The following GRIK2 variants were observed in gnomAD, a reference collection of about 807,000 sequenced individuals.
GRIK2 encodes the protein glutamate receptor ionotropic, kainate 2.
In GRIK2, 32 loss-of-function variants were observed where a neutral mutation model predicts 100.3. That is an observed-to-expected ratio of 0.32 (90% CI 0.24 to 0.43). GRIK2 has a LOEUF of 0.43. Among genes scored for constraint, GRIK2 ranks in the 20% least tolerant of loss-of-function variants. The probability of loss-of-function intolerance (pLI) is 1.00; values close to 1 mark genes in which losing one functional copy is unlikely to be tolerated. For missense variants in GRIK2, 843 were observed against 1,114.9 expected, an observed-to-expected ratio of 0.76 and a Z score of 3.47; for synonymous variants, 417 against 389.4, an observed-to-expected ratio of 1.07 and a Z score of -0.83.
intron 2 of GRIK2, among the ~76,000 whole-genome samples, chr6:101,538,994 A>G (rs1348880504): frequency 6.6e-6 from 1 of 151,654 alleles, no homozygotes; most frequent in Admixed American, 6.6e-5. Context: ...AGTACCACAC[A>G]AAGGAAAAAT....
At chr6:101,859,666 A>AG (rs1361082313) in intron 11 of GRIK2, among the ~76,000 whole-genome samples, 173 bp downstream of exon 11, 2 of 152,194 alleles carry the variant, frequency 1.3e-5, no homozygotes, top group African/African-American at 4.8e-5. Context: ...AGAATCTAAG[A>AG]GGGATATATA....
rs1052870809 is a variant in GRIK2 at position 102,006,504 on chromosome 6, A to G, written c.2086-28837A>G. ...TCATCTCAACCTCTTGAGTAGCTGG[A>G]CTACAGGCATACACCTCCACTCCTG... On this transcript the variant is annotated intron_variant, in intron 14 of 16. Coordinates refer to ENST00000369134, the MANE Select transcript of GRIK2 (RefSeq NM_021956.5). 3.3e-5 allele frequency among the ~76,000 whole-genome samples: 5 copies of G among 151,142 alleles called. No individual in the cohort carries two copies. In the East Asian group the frequency reaches 5.9e-4, roughly 18 times the overall value.
At chr6:101,954,451 T>C (rs975907347) in intron 14 of GRIK2, among the ~76,000 whole-genome samples, 2 of 152,092 alleles carry the variant, frequency 1.3e-5, no homozygotes, top group African/African-American at 4.8e-5. Flanking sequence ...TCCCTCTGTA[T>C]TGTATTCTCT....
intron 1 of GRIK2, among the ~76,000 whole-genome samples, chr6:101,397,179 A>C (rs1221000893): frequency 1.3e-5 from 2 of 152,176 alleles, no homozygotes; most frequent in African/African-American, 4.8e-5. Context: ...TTGATTAGTC[A>C]CAATAAAACA....
chr6:101,762,454 C>T (rs953895867), intron 7 of GRIK2, among the ~76,000 whole-genome samples: 1 of 151,944 alleles, frequency 6.6e-6, no homozygotes, highest in Admixed American at 6.6e-5. Context: ...TTCCTGACAC[C>T]GGTATCTCCT....
At chr6:101,975,162 C>T (rs1562080831) in intron 14 of GRIK2, among the ~76,000 whole-genome samples, 1 of 151,724 alleles carries the variant, frequency 6.6e-6, no homozygotes, top group Non-Finnish European at 1.5e-5. Flanking sequence ...ATCGTAGTTT[C>T]AGTTTGGGGT....
At chr6:101,730,839 A>C (rs1322516838) in intron 7 of GRIK2, among the ~76,000 whole-genome samples, 2 of 151,942 alleles carry the variant, frequency 1.3e-5, no homozygotes, top group African/African-American at 4.8e-5. Flanking sequence ...AGGATCAACC[A>C]TGATTTGAGA....
intron 1 of GRIK2, among the ~76,000 whole-genome samples, chr6:101,394,470 C>G (rs994896135): frequency 1.3e-5 from 2 of 152,102 alleles, no homozygotes; most frequent in Admixed American, 1.3e-4. Flanking sequence ...ACAACACGAC[C>G]GAGCTGAGGC....
rs56887492 is a variant in GRIK2, at chr6:101,581,167, C to CATATATAT, written c.116-40774_116-40767dup. On this transcript the variant is annotated intron_variant, in intron 2 of 16. Coordinates refer to ENST00000369134, the MANE Select transcript of GRIK2 (RefSeq NM_021956.5). The stretch of plus-strand genomic sequence containing the variant: ...ACAGAATTAATAGGAGATATATATA[C>CATATATAT]ATATATATATATATACACACACACA... Among the ~76,000 whole-genome samples, 4 of 148,646 alleles carry CATATATAT rather than the reference C, an allele frequency of 2.7e-5. No homozygotes were observed. The South Asian group carries it at 8.5e-4, about 31-fold the overall frequency.
chr6:101,603,505 G>A (rs1779314794), intron 2 of GRIK2, among the ~76,000 whole-genome samples: 1 of 151,374 alleles, frequency 6.6e-6, no homozygotes, highest in African/African-American at 2.4e-5. Flanking sequence ...AGTGAGATTG[G>A]GTCTAAAGCT....
intron 10 of GRIK2, among the ~76,000 whole-genome samples, chr6:101,857,410 G>A (rs1311023788): frequency 2.0e-5 from 3 of 152,190 alleles, no homozygotes. Context: ...GCATACAACT[G>A]TATAGAGATA....
At chr6:101,758,322 G>A (rs1167067428) in intron 7 of GRIK2, among the ~76,000 whole-genome samples, 2 of 152,108 alleles carry the variant, frequency 1.3e-5, no homozygotes, top group African/African-American at 4.8e-5. Context: ...ATTTTTTTCA[G>A]TGTATTTCAG....
chr6:101,555,472 T>C (rs1321901734), intron 2 of GRIK2, among the ~76,000 whole-genome samples: 1 of 152,182 alleles, frequency 6.6e-6, no homozygotes, highest in Non-Finnish European at 1.5e-5. Context: ...ATATGAAACA[T>C]GTAGATATTT....
chr6:101,460,533 C>G (rs1421774879), intron 2 of GRIK2, among the ~76,000 whole-genome samples: 2 of 152,162 alleles, frequency 1.3e-5, no homozygotes, highest in Non-Finnish European at 2.9e-5. Flanking sequence ...TGCAAATTGG[C>G]TAGAATAGTC....
At chr6:101,494,018 A>T (rs1172048717) in intron 2 of GRIK2, among the ~76,000 whole-genome samples, 3 of 98,180 alleles carry the variant, frequency 3.1e-5, no homozygotes, top group Non-Finnish European at 5.7e-5. Context: ...ATTATATATA[A>T]AAATTATATA....
At chr6:101,457,743 T>C (rs1244667597) in intron 2 of GRIK2, among the ~76,000 whole-genome samples, 1 of 152,122 alleles carries the variant, frequency 6.6e-6, no homozygotes, top group Non-Finnish European at 1.5e-5. Context: ...TTTACTTCTT[T>C]GAATTTTCTT....
At chr6:101,763,979 T>C (rs1777888741) in intron 7 of GRIK2, among the ~76,000 whole-genome samples, 1 of 152,126 alleles carries the variant, frequency 6.6e-6, no homozygotes, top group African/African-American at 2.4e-5. Flanking sequence ...AGAAAAGAGA[T>C]AAACGTTTGT....
intron 11 of GRIK2, among the ~76,000 whole-genome samples, chr6:101,875,011 G>A (rs1051634081): frequency 6.6e-6 from 1 of 152,204 alleles, no homozygotes; most frequent in Admixed American, 6.6e-5. Flanking sequence ...AGATGATGGG[G>A]TTTTCTAGAT....
chr6:101,393,711 C>G lies in GRIK2; in HGVS notation c.-420C>G, dbSNP rs1774889489. Reference sequence around the variant, plus strand: ...CACCGTCTTCGCCGCTGCCGTCACTCGCGCTCGGCGCCGGCGGCTGCGCTG... The same window carrying G: ...CACCGTCTTCGCCGCTGCCGTCACTGGCGCTCGGCGCCGGCGGCTGCGCTG... On this transcript the variant is annotated 5_prime_UTR_variant, in exon 1 of 17. Transcript: ENST00000369134. Among the ~76,000 whole-genome samples the G allele has an allele frequency of 6.6e-6, 1 of 152,120 alleles. No homozygotes were observed. The highest frequency in any genetic ancestry group is 1.5e-5 in the Non-Finnish European group (1 of 68,012).
Sources: allele counts gnomAD v4.1 joint callset (sites outside exome capture counted in the v4.1 genomes callset), GRCh38; gene constraint gnomAD v4.1.1; transcripts MANE v1.5; gene names NCBI Gene and HGNC (gene_info 2026-07-23, HGNC 2026-07-21).